The following PDZD2 variants were observed in gnomAD, a reference collection of about 807,000 sequenced individuals.
PDZD2 encodes PDZ domain-containing protein 2.
PDZD2 carries 90 observed loss-of-function variants against 220.7 expected under a neutral mutation model. The ratio of observed to expected loss-of-function variants is 0.41; its 90% CI spans 0.34 to 0.49. The LOEUF (loss-of-function observed/expected upper bound fraction) is 0.49. Ranked by LOEUF, PDZD2 falls within the 20% of genes least tolerant of loss-of-function variation. The pLI is 0.28. For synonymous variants in PDZD2, 1,375 were observed against 1,450.5 expected (o/e 0.95, Z 1.18); for missense variants, 3,174 against 3,608.5 (o/e 0.88, Z 3.08).
intron 2 of PDZD2, chr5:31,847,309 TA>T: frequency 2.9e-6 from 1 of 344,676 alleles, no homozygotes; most frequent in Admixed American, 3.5e-5. Flanking sequence ...AGGCCTACTT[TA>T]AAAGATACAA....
intron 2 of PDZD2, among the ~76,000 whole-genome samples, chr5:31,954,618 A>G (rs1747490972): frequency 6.6e-6 from 1 of 152,164 alleles, no homozygotes; most frequent in African/African-American, 2.4e-5. Flanking sequence ...CTTGTTTGAC[A>G]TTATGTTCCC....
chr5:31,836,092 T>C (rs1450626381), intron 2 of PDZD2, among the ~76,000 whole-genome samples: 1 of 152,226 alleles, frequency 6.6e-6, no homozygotes, highest in Non-Finnish European at 1.5e-5. Context: ...TCTGCGTTGG[T>C]GCTCCCAATT....
intron 1 of PDZD2, among the ~76,000 whole-genome samples, chr5:31,678,667 G>A (rs999320955): frequency 1.3e-5 from 2 of 152,164 alleles, no homozygotes; most frequent in African/African-American, 2.4e-5. Context: ...CCAGGTTGGA[G>A]TACAGTGGCA....
rs1257201316 is a variant in PDZD2 at position 32,108,463 on chromosome 5, C to G, written c.*328C>G. 1 of 167,462 alleles carries G rather than the reference C, an allele frequency of 6.0e-6. No individual in the cohort carries two copies. The allele number at this position is 167,462 out of a possible 1,614,324, so 10.4% of individuals were successfully genotyped here. Reference sequence around the variant, plus strand: ...GAAACAAACAAACATTTAGCTAGACCTTTGCTTCCTTCTTGCCAGCTCTCC... The same window carrying G: ...GAAACAAACAAACATTTAGCTAGACGTTTGCTTCCTTCTTGCCAGCTCTCC... On this transcript the variant is annotated 3_prime_UTR_variant, in exon 25 of 25. Coordinates refer to ENST00000438447, the MANE Select transcript of PDZD2 (RefSeq NM_178140.4).
rs1744878830 is a variant in PDZD2, at chr5:31,639,865, A to G, written c.-361+428A>G. Among the ~76,000 whole-genome samples the G allele has an allele frequency of 6.6e-6, 1 of 152,162 alleles. No individual in the cohort carries two copies. Among genetic ancestry groups the G allele is most frequent in the Non-Finnish European group, 1.5e-5 (1 of 68,026 alleles). On this transcript the variant is annotated intron_variant, in intron 1 of 24. Transcript: ENST00000438447. This position sits in a 1 kb window ranked among gnomAD's most constrained non-coding sequence, Gnocchi z 4.1. ...GGCCTCAGGTAATGTCTTGGGGACCATCCTCCCTCGGGCTTGTTTCATCTC... is the reference window on the plus strand; with the variant it reads ...GGCCTCAGGTAATGTCTTGGGGACCGTCCTCCCTCGGGCTTGTTTCATCTC...
At chr5:31,681,422 A>C (rs1746645845) in intron 1 of PDZD2, among the ~76,000 whole-genome samples, 1 of 151,894 alleles carries the variant, frequency 6.6e-6, no homozygotes, top group Admixed American at 6.6e-5. Flanking sequence ...AATTCTTTGT[A>C]TTTTTAGTAG....
In PDZD2 at chr5:32,058,308, C is replaced by G. The variant is rs73753912; in HGVS notation, c.2200+205C>G. On this transcript the variant is annotated intron_variant, in intron 12 of 24. Transcript: ENST00000438447. ...CAAAGTGAAGGGAAGTTACCAGTAG[C>G]ATGGAGCTCTCTAAGCTCTCCCCAT... Among the ~76,000 whole-genome samples the G allele has an allele frequency of 4.7e-3, 708 of 150,284 alleles. 10 individuals are homozygous for G. The highest frequency in any genetic ancestry group is 0.016 in the African/African-American group (660 of 40,712).
rs964427885 is a variant in PDZD2, at chr5:32,088,896, C to T, written c.5448C>T (p.Ser1816=). 2 of 1,613,858 alleles carry T rather than the reference C, an allele frequency of 1.2e-6. No individual in the cohort carries two copies. The highest frequency in any genetic ancestry group is 1.7e-6 in the Non-Finnish European group (2 of 1,179,894). ...ATAACCAAGGCACACATTTGAGGAG[C>T]AAAACCGAGAAGGAACAACCTCTAA... is the stretch of plus-strand genomic sequence containing the variant. ...NKHNQGTHLR[S]KTEKEQPLMP... is the part of the protein sequence containing the mutation. The change falls in exon 20 of 25, where the codon AGC becomes AGT. Residue 1816 remains serine (S), a synonymous_variant. Coordinates refer to ENST00000438447, the MANE Select transcript of PDZD2 (RefSeq NM_178140.4). This position sits in a 1 kb window ranked among gnomAD's most constrained non-coding sequence, Gnocchi z 4.6.
chr5:32,087,954 G>A lies in PDZD2; in HGVS notation c.4506G>A (p.Ser1502=), dbSNP rs763224127. The A allele has an allele frequency of 1.5e-5, 24 of 1,613,970 alleles. No homozygotes were observed. Among genetic ancestry groups the A allele is most frequent in the South Asian group, 1.2e-4 (11 of 91,078 alleles). Reference sequence around the variant, plus strand: ...ACCCACAATGGGCCTCCCAGCCTTCGGTTTTAGATTCAATTAATCCCGACA... The same window carrying A: ...ACCCACAATGGGCCTCCCAGCCTTCAGTTTTAGATTCAATTAATCCCGACA... The part of the protein sequence containing the change: ...PAYPQWASQP[S]VLDSINPDKH... Residue 1502 remains serine (S), a synonymous_variant, in exon 20 of 25, where the codon TCG becomes TCA. Coordinates refer to ENST00000438447, the MANE Select transcript of PDZD2 (RefSeq NM_178140.4). The surrounding 1 kb of genome is among the most constrained non-coding windows in gnomAD (Gnocchi z 4.0).
At chr5:31,737,310 C>T (rs1423571655) in intron 1 of PDZD2, among the ~76,000 whole-genome samples, 6 of 151,250 alleles carry the variant, frequency 4.0e-5, no homozygotes, top group Admixed American at 3.3e-4. Flanking sequence ...GTAGCTGGGA[C>T]TACAGGCGCC....
In PDZD2 at chr5:32,097,211, G is replaced by T. The variant is rs113816298; in HGVS notation, c.7846-68G>T. The T allele has an allele frequency of 9.1e-3, 8,899 of 980,580 alleles. 72 individuals carry two copies. The highest frequency in any genetic ancestry group is 0.037 in the Middle Eastern group (136 of 3,684). The allele number at this position is 980,580 out of a possible 1,614,324, so 60.7% of individuals were successfully genotyped here. On this transcript the variant is annotated intron_variant, in intron 21 of 24. Coordinates refer to ENST00000438447, the MANE Select transcript of PDZD2 (RefSeq NM_178140.4). ...AGCTTCCTTACTCCTGGCCCAAGGG[G>T]ATATGTTTTTCTTTCTTAATTTTTT... is the stretch of plus-strand genomic sequence containing the variant.
intron 2 of PDZD2, among the ~76,000 whole-genome samples, chr5:31,858,244 T>TGAGCCACCGTGCC (rs1165047808): frequency 2.0e-5 from 3 of 151,996 alleles, no homozygotes; most frequent in African/African-American, 7.3e-5. Context: ...ATTATAGGCA[T>TGAGCCACCGTGCC]GAGCCACCGT....
At chr5:31,766,239 T>G (rs1349470832) in intron 1 of PDZD2, among the ~76,000 whole-genome samples, 2 of 152,170 alleles carry the variant, frequency 1.3e-5, no homozygotes, top group Non-Finnish European at 2.9e-5. Context: ...CTGCTTTATG[T>G]CAGGAAAAAA....
At chr5:32,007,064 C>T (rs1185579994) in intron 5 of PDZD2, among the ~76,000 whole-genome samples, 3 of 151,930 alleles carry the variant, frequency 2.0e-5, no homozygotes, top group Admixed American at 1.3e-4. Flanking sequence ...TACAGGCGCC[C>T]GCCACCACGC....
chr5:31,979,953 C>A (rs1453896327), intron 2 of PDZD2, among the ~76,000 whole-genome samples: 1 of 152,156 alleles, frequency 6.6e-6, no homozygotes, highest in Non-Finnish European at 1.5e-5. Context: ...GTCTATGAGG[C>A]ACCTACTCAA....
chr5:31,792,478 GCA>G (rs1375942332), intron 1 of PDZD2, among the ~76,000 whole-genome samples: 1 of 152,086 alleles, frequency 6.6e-6, no homozygotes, highest in Non-Finnish European at 1.5e-5. Context: ...GAGTGCAGTG[GCA>G]CAGTCTCAGC....
intron 5 of PDZD2, among the ~76,000 whole-genome samples, 186 bp from the exon 6 acceptor site, chr5:32,010,144 A>G (rs1322276584): frequency 2.6e-5 from 4 of 152,136 alleles, no homozygotes; most frequent in Admixed American, 1.3e-4. Flanking sequence ...CTGTGGGGAA[A>G]AAATGGATTT....
chr5:32,062,938 G>A (rs1189403560), intron 14 of PDZD2, among the ~76,000 whole-genome samples: 1 of 152,104 alleles, frequency 6.6e-6, no homozygotes, highest in African/African-American at 2.4e-5. Flanking sequence ...ACCACATGGG[G>A]CCTTGAGCCA....
In PDZD2 at chr5:32,077,578, A is replaced by C. The variant is rs773921583; in HGVS notation, c.3654A>C (p.Ala1218=). Residue 1218 remains alanine (A), a synonymous_variant, in exon 19 of 25, where the codon GCA becomes GCC. Transcript: ENST00000438447. ...SHLTENLPKA[A]SELGQQPMTE... ...TCACAGAGAACCTGCCCAAAGCTGC[A>C]TCAGAGCTGGGGCAACAACCCATGA... 4.3e-6 allele frequency: 7 copies of C among 1,614,114 alleles called. No individual in the cohort carries two copies. The African/African-American group carries it at 9.3e-5, about 22-fold the overall frequency.
Sources: gnomAD v4.1 joint callset for allele counts (sites outside exome capture counted in the v4.1 genomes callset) on GRCh38, gnomAD v4.1.1 for gene constraint, Gnocchi (gnomAD v3.1) non-coding constraint, MANE v1.5 for transcripts, NCBI Gene and HGNC (gene_info 2026-07-23, HGNC 2026-07-21) for gene names.